Variants in CDH13 observed in about 807,000 individuals in gnomAD.
The protein encoded by CDH13 is cadherin 13, also known as cadherin-13.
In CDH13, 24 loss-of-function variants were observed where a neutral mutation model predicts 63.8. The ratio of observed to expected loss-of-function variants is 0.38; its 90% CI spans 0.27 to 0.53. The LOEUF is 0.53. Among genes scored for constraint, CDH13 ranks in the 20% least tolerant of loss-of-function variants. The pLI is 0.85. For missense variants in CDH13, 1,049 were observed against 903.1 expected (o/e 1.16, Z -2.07); for synonymous variants, 503 against 355.3 (o/e 1.42, Z -4.67).
chr16:83,531,406 A>C (rs541702301), intron 7 of CDH13, among the ~76,000 whole-genome samples: 4 of 152,150 alleles, frequency 2.6e-5, no homozygotes, highest in Non-Finnish European at 5.9e-5. Flanking sequence ...ACCTATGACT[A>C]TGTTACCTTA....
intron 1 of CDH13, among the ~76,000 whole-genome samples, chr16:82,845,887 A>C (rs976366247): frequency 2.0e-5 from 3 of 152,156 alleles, no homozygotes; most frequent in African/African-American, 7.2e-5. Context: ...TTCTTACAAA[A>C]CTGTATTTTT....
At chr16:83,391,714 T>C (rs545490443) in intron 6 of CDH13, among the ~76,000 whole-genome samples, 11 of 152,208 alleles carry the variant, frequency 7.2e-5, no homozygotes, top group African/African-American at 2.7e-4. Context: ...CAGGTCTGTT[T>C]TGCATTGTCA....
intron 4 of CDH13, among the ~76,000 whole-genome samples, chr16:83,149,338 A>G (rs1438228975): frequency 6.6e-6 from 1 of 152,208 alleles, no homozygotes; most frequent in African/African-American, 2.4e-5. Context: ...GAAGCTTATA[A>G]TGAGAAAGAC....
intron 4 of CDH13, among the ~76,000 whole-genome samples, chr16:83,165,546 G>T (rs768339131): frequency 6.6e-6 from 1 of 152,132 alleles, no homozygotes; most frequent in Non-Finnish European, 1.5e-5. Flanking sequence ...GTGGTTGGTT[G>T]TGGAAGATGT....
chr16:83,760,000 A>G (rs1913834792), intron 11 of CDH13, among the ~76,000 whole-genome samples: 1 of 152,084 alleles, frequency 6.6e-6, no homozygotes. Flanking sequence ...CCCAAAGAAG[A>G]ATAGATAAGA....
intron 1 of CDH13, among the ~76,000 whole-genome samples, chr16:82,837,538 A>G (rs2038820356): frequency 6.6e-6 from 1 of 152,182 alleles, no homozygotes; most frequent in Admixed American, 6.5e-5. Context: ...ACAAAATGAA[A>G]TCAGCAAAGG....
intron 2 of CDH13, among the ~76,000 whole-genome samples, chr16:83,018,130 C>T (rs1914983809): frequency 6.6e-6 from 1 of 152,170 alleles, no homozygotes; most frequent in South Asian, 2.1e-4. Context: ...CCCAGTTCTA[C>T]AAGTAAACCT....
intron 6 of CDH13, among the ~76,000 whole-genome samples, chr16:83,372,691 G>T (rs926833781): frequency 3.4e-5 from 5 of 148,308 alleles, no homozygotes; most frequent in African/African-American, 1.3e-4. Context: ...GGCAGAGGTT[G>T]CAGTGAGCCG....
intron 1 of CDH13, among the ~76,000 whole-genome samples, chr16:82,694,680 C>G (rs562004507): frequency 5.9e-5 from 9 of 152,112 alleles, no homozygotes; most frequent in Non-Finnish European, 1.2e-4. Flanking sequence ...TGACAACATT[C>G]CAAATATAAA....
chr16:83,211,492 T>A (rs905255203), intron 4 of CDH13, among the ~76,000 whole-genome samples: 9 of 152,238 alleles, frequency 5.9e-5, no homozygotes, highest in Non-Finnish European at 1.2e-4. Context: ...CTATATAGTC[T>A]ATGAGTTCAT....
At chr16:83,050,051 A>T (rs2030124526) in intron 3 of CDH13, among the ~76,000 whole-genome samples, 1 of 152,126 alleles carries the variant, frequency 6.6e-6, no homozygotes, top group Non-Finnish European at 1.5e-5. Context: ...ATGATGATTG[A>T]ATGGGGGTGG....
At chr16:83,092,926 T>G (rs999351544) in intron 3 of CDH13, among the ~76,000 whole-genome samples, 15 of 152,144 alleles carry the variant, frequency 9.9e-5, no homozygotes, top group Admixed American at 7.9e-4. Context: ...TAACGGTACT[T>G]TTGCGCAAGA....
chr16:83,323,157 C>T (rs750904036), intron 5 of CDH13, among the ~76,000 whole-genome samples: 23 of 2,912 alleles, frequency 7.9e-3, no homozygotes, highest in Admixed American at 0.037. Flanking sequence ...CTACTTCTTT[C>T]TTTCTTTCTC....
intron 4 of CDH13, among the ~76,000 whole-genome samples, chr16:83,182,171 A>C (rs975905787): frequency 6.6e-6 from 1 of 152,208 alleles, no homozygotes; most frequent in Non-Finnish European, 1.5e-5. Flanking sequence ...TTTTGAAAGG[A>C]AGTGATGATT....
At chr16:82,845,301 G>T (rs1414351541) in intron 1 of CDH13, among the ~76,000 whole-genome samples, 1 of 152,190 alleles carries the variant, frequency 6.6e-6, no homozygotes, top group Non-Finnish European at 1.5e-5. Context: ...ACTGAGGGCT[G>T]TCCATAGGAG....
At chr16:83,158,707 G>C (rs2037321805) in intron 4 of CDH13, among the ~76,000 whole-genome samples, 1 of 152,242 alleles carries the variant, frequency 6.6e-6, no homozygotes, top group Non-Finnish European at 1.5e-5. Flanking sequence ...TGCTGCAGCT[G>C]CTCCATGGCC....
intron 6 of CDH13, among the ~76,000 whole-genome samples, chr16:83,478,114 C>A (rs1359759340): frequency 6.7e-6 from 1 of 150,040 alleles, no homozygotes; most frequent in East Asian, 1.9e-4. Flanking sequence ...GAGCCGAGAT[C>A]ACGCCACTGC....
At chr16:83,776,607 A>C (rs996822593) in intron 11 of CDH13, among the ~76,000 whole-genome samples, 1 of 152,122 alleles carries the variant, frequency 6.6e-6, no homozygotes. Context: ...GCACTTCTTC[A>C]TGACTCACTG....
chr16:82,778,692 C>G (rs2035613049), intron 1 of CDH13, among the ~76,000 whole-genome samples: 1 of 151,572 alleles, frequency 6.6e-6, no homozygotes, highest in Non-Finnish European at 1.5e-5. Context: ...CATTTTCTTC[C>G]TAAAACTAGT....
Sources: gnomAD v4.1 joint callset for allele counts (sites outside exome capture counted in the v4.1 genomes callset) on GRCh38, gnomAD v4.1.1 for gene constraint, MANE v1.5 for transcripts, NCBI Gene and HGNC (gene_info 2026-07-23, HGNC 2026-07-21) for gene names.